The following C22orf31 variants were observed in gnomAD, a reference collection of about 807,000 sequenced individuals.
C22orf31 encodes the protein uncharacterized protein C22orf31.
In C22orf31, 11 loss-of-function variants were observed where a neutral mutation model predicts 15.0. The observed-to-expected ratio is 0.73, with a 90% confidence interval of 0.46 to 1.21. C22orf31 has a LOEUF of 1.21. Among genes scored for constraint, C22orf31 ranks in the 50% most tolerant of loss-of-function variants. C22orf31 has a pLI of 0.00. For synonymous variants in C22orf31, 132 were observed against 133.3 expected, an observed-to-expected ratio of 0.99 and a Z score of 0.07; for missense variants, 340 against 347.2, an observed-to-expected ratio of 0.98 and a Z score of 0.17.
chr22:29,061,078 A>G (rs2037386003), intron 1 of C22orf31, among the ~76,000 whole-genome samples: 1 of 152,146 alleles, frequency 6.6e-6, no homozygotes, highest in Non-Finnish European at 1.5e-5. Flanking sequence ...AGAACATAGC[A>G]TGCCAGGGCA....
In C22orf31 at chr22:29,058,921, G is replaced by T; in HGVS notation, c.694C>A (p.Pro232Thr). 1 of 1,614,148 alleles carries T rather than the reference G, an allele frequency of 6.2e-7. No individual in the cohort carries two copies. Among genetic ancestry groups the T allele is most frequent in the Non-Finnish European group, 8.5e-7 (1 of 1,180,030 alleles). The change falls in exon 3 of 3, where the codon CCC becomes ACC. Residue 232 changes from proline to threonine, a missense_variant. Physicochemically the swap from Pro to Thr is conservative, Grantham distance 38. Coordinates refer to ENST00000216071, the MANE Select transcript of C22orf31 (RefSeq NM_015370.2). ...CCCAGCTCCAGGCTGTACCTCTTGG[G>T]GGTCCCTGAAGGATTCCACAGCATT... is the stretch of plus-strand genomic sequence containing the variant. The part of the protein sequence containing the change: ...EPMLWNPSGT[P>T]KRYSLELGKA...
upstream of C22orf31, chr22:29,061,904 C>G (rs1281057386): frequency 1.0e-5 from 9 of 885,574 alleles, no homozygotes; most frequent in Non-Finnish European, 1.5e-5. Context: ...TTTAATATTT[C>G]TAGTCACCTG....
upstream of C22orf31, chr22:29,061,891 T>C (rs1209635530): frequency 9.7e-6 from 10 of 1,031,032 alleles, no homozygotes; most frequent in South Asian, 1.6e-5. Flanking sequence ...TTTTTGTTTT[T>C]GTTTTAATAT....
At position 29,060,802 on chromosome 22, in the gene C22orf31, A is replaced by G; in HGVS notation, c.45T>C (p.Tyr15=). The change falls in exon 2 of 3, where the codon TAT becomes TAC. Residue 15 remains tyrosine (Y), a synonymous_variant. Coordinates refer to ENST00000216071, the MANE Select transcript of C22orf31 (RefSeq NM_015370.2). ...NVRRDPSIPI[Y]GLRQSILLNT... is the part of the protein sequence containing the mutation. Reference sequence around the variant, plus strand: ...TTAATAAGATGGACTGTCGGAGTCCATAGATAGGGATGCTGGGGTCTCGTC... The same window carrying G: ...TTAATAAGATGGACTGTCGGAGTCCGTAGATAGGGATGCTGGGGTCTCGTC... 3.1e-6 allele frequency: 5 copies of G among 1,614,142 alleles called. No homozygotes were observed. The highest frequency in any genetic ancestry group is 2.2e-5 in the East Asian group (1 of 44,882).
chr22:29,067,663 C>T, the C22orf31 span, among the ~76,000 whole-genome samples: 2 of 151,978 alleles, frequency 1.3e-5, no homozygotes, highest in South Asian at 2.1e-4. Flanking sequence ...AGGCTGGACT[C>T]GAACTCCTGA....
At chr22:29,071,352 G>T in the C22orf31 span, among the ~76,000 whole-genome samples, 1 of 152,168 alleles carries the variant, frequency 6.6e-6, no homozygotes, top group Non-Finnish European at 1.5e-5. Context: ...GGCCTCGTGG[G>T]AGGTAGCTGC....
chr22:29,062,744 G>A (rs2037403765), upstream of C22orf31, among the ~76,000 whole-genome samples: 1 of 152,110 alleles, frequency 6.6e-6, no homozygotes, highest in Admixed American at 6.5e-5. Flanking sequence ...CCGCACCACA[G>A]GCTGTGGTGG....
Position 29,058,761 on chromosome 22 carries a change from T to G in C22orf31, c.854A>C (p.Lys285Thr), listed in dbSNP as rs746295350. 6.2e-7 allele frequency: 1 copy of G among 1,610,550 alleles called. No homozygotes were observed. Among genetic ancestry groups the G allele is most frequent in the Non-Finnish European group, 8.5e-7 (1 of 1,178,824 alleles). Reference sequence around the variant, plus strand: ...TTGTTCCTATTTTTTGCTCTTTAACTTGGGCCATTTCTTGAGTACAGGCTC... The same window carrying G: ...TTGTTCCTATTTTTTGCTCTTTAACGTGGGCCATTTCTTGAGTACAGGCTC... Reference protein sequence around the residue: ...HEEPVLKKWPKLKSKK With the variant: ...HEEPVLKKWPTLKSKK The change falls in exon 3 of 3, where the codon AAG becomes ACG. Residue 285 changes from lysine to threonine, a missense_variant. Coordinates refer to ENST00000216071, the MANE Select transcript of C22orf31 (RefSeq NM_015370.2).
the C22orf31 span, among the ~76,000 whole-genome samples, chr22:29,070,334 A>C: frequency 6.6e-6 from 1 of 152,228 alleles, no homozygotes; most frequent in Non-Finnish European, 1.5e-5. Flanking sequence ...GGTCCTAAGC[A>C]GTGTACATGA....
chr22:29,073,050 C>G, the C22orf31 span: 1 of 262,256 alleles, frequency 3.8e-6, no homozygotes, highest in African/African-American at 2.3e-5. The surrounding 1 kb of genome is among the most constrained non-coding windows in gnomAD (Gnocchi z 4.4). Context: ...GGCCCCGCGT[C>G]CTGCTCCCAT....
the C22orf31 span, among the ~76,000 whole-genome samples, chr22:29,067,600 C>G: frequency 6.6e-6 from 1 of 152,018 alleles, no homozygotes; most frequent in Non-Finnish European, 1.5e-5. Flanking sequence ...TGAGCCACCA[C>G]GCCCGGCTAA....
chr22:29,063,813 C>T (rs2037411964), upstream of C22orf31, among the ~76,000 whole-genome samples: 1 of 152,202 alleles, frequency 6.6e-6, no homozygotes, highest in Admixed American at 6.5e-5. Flanking sequence ...GCTCAAGTAT[C>T]ATGCCTCAAG....
intron 1 of C22orf31, among the ~76,000 whole-genome samples, 200 bp from the exon 2 acceptor site, chr22:29,061,043 G>A (rs1424320457): frequency 6.6e-6 from 1 of 152,098 alleles, no homozygotes; most frequent in African/African-American, 2.4e-5. Context: ...ACTCCACAAG[G>A]TTACAGTAAT....
the C22orf31 span, chr22:29,073,007 G>C: frequency 6.4e-6 from 1 of 157,324 alleles, no homozygotes; most frequent in African/African-American, 2.4e-5. The surrounding 1 kb of genome is among the most constrained non-coding windows in gnomAD (Gnocchi z 4.4). Context: ...GCCGGGGCGG[G>C]GCGGCCGGGC....
the C22orf31 span, among the ~76,000 whole-genome samples, chr22:29,071,490 G>A: frequency 6.6e-6 from 1 of 152,284 alleles, no homozygotes; most frequent in East Asian, 1.9e-4. Context: ...TGTACCCAAG[G>A]CGTGCCGGTC....
At chr22:29,063,817 C>T (rs2037412002), upstream of C22orf31, among the ~76,000 whole-genome samples, 1 of 152,166 alleles carries the variant, frequency 6.6e-6, no homozygotes, top group African/African-American at 2.4e-5. Context: ...AAGTATCATG[C>T]CTCAAGTAAC....
At chr22:29,061,734 T>A (rs1407041561) in intron 1 of C22orf31, 56 bp downstream of exon 1, 5 of 1,327,516 alleles carry the variant, frequency 3.8e-6, no homozygotes, top group Non-Finnish European at 5.3e-6. Context: ...GAATCACATA[T>A]TTAAAGAGAT....
chr22:29,065,041 AT>A (rs2037420063), upstream of C22orf31, among the ~76,000 whole-genome samples: 1 of 151,790 alleles, frequency 6.6e-6, no homozygotes, highest in African/African-American at 2.4e-5. Context: ...TTTAGCAGAG[AT>A]GGGGGTTTCA....
chr22:29,070,515 G>A, the C22orf31 span, among the ~76,000 whole-genome samples: 1 of 152,334 alleles, frequency 6.6e-6, no homozygotes, highest in East Asian at 1.9e-4. Flanking sequence ...TCTGAAACCT[G>A]AATGAGATGC....
Sources: gnomAD v4.1 joint callset for allele counts (sites outside exome capture counted in the v4.1 genomes callset) on GRCh38, gnomAD v4.1.1 for gene constraint, Gnocchi (gnomAD v3.1) non-coding constraint, MANE v1.5 for transcripts, NCBI Gene and HGNC (gene_info 2026-07-23, HGNC 2026-07-21) for gene names.